Variants in PKIB observed in about 807,000 individuals in gnomAD.
PKIB encodes cAMP-dependent protein kinase inhibitor beta.
A neutral mutation model predicts 4.5 loss-of-function variants in PKIB; 2 were observed. The observed-to-expected ratio is 0.44, with a 90% CI of 0.18 to 1.39. The LOEUF (loss-of-function observed/expected upper bound fraction) is 1.39, where lower values mean the gene tolerates loss of function less well. PKIB is among the 40% of genes most tolerant of loss of function. PKIB has a pLI of 0.27. For missense variants in PKIB, 94 were observed against 92.6 expected, an observed-to-expected ratio of 1.02 and a Z score of -0.06; for synonymous variants, 38 against 36.0, an observed-to-expected ratio of 1.06 and a Z score of -0.20.
upstream of PKIB, among the ~76,000 whole-genome samples, chr6:122,607,098 A>AAT (rs2114750656): frequency 6.7e-6 from 1 of 150,244 alleles, no homozygotes; most frequent in Non-Finnish European, 1.5e-5. Context: ...TAATAATAAT[A>AAT]AATAAATAAA....
intron 2 of PKIB, among the ~76,000 whole-genome samples, chr6:122,539,158 C>T (rs1267713684): frequency 2.0e-5 from 3 of 151,944 alleles, no homozygotes; most frequent in Non-Finnish European, 4.4e-5. Context: ...ATTTTCCTAA[C>T]TGAATACCCT....
intron 3 of PKIB, among the ~76,000 whole-genome samples, chr6:122,682,489 A>C (rs1368836002): frequency 6.6e-6 from 1 of 152,132 alleles, no homozygotes; most frequent in African/African-American, 2.4e-5. Flanking sequence ...TTTTTGTTAC[A>C]TATATTCTGA....
chr6:122,691,245 T>A (rs1272378611), intron 3 of PKIB, among the ~76,000 whole-genome samples: 8 of 152,096 alleles, frequency 5.3e-5, no homozygotes, highest in Non-Finnish European at 7.4e-5. Context: ...GTTTGAGAAA[T>A]TTTCATTATC....
intron 2 of PKIB, among the ~76,000 whole-genome samples, chr6:122,560,323 T>C (rs1054982981): frequency 6.6e-6 from 1 of 152,146 alleles, no homozygotes; most frequent in Non-Finnish European, 1.5e-5. Flanking sequence ...TGTTTTTAAT[T>C]CTGTTTATGT....
At chr6:122,621,428 T>C (rs1030148071) in intron 1 of PKIB, among the ~76,000 whole-genome samples, 2 of 152,150 alleles carry the variant, frequency 1.3e-5, no homozygotes, top group African/African-American at 4.8e-5. Flanking sequence ...GATAGGTAAA[T>C]AACTGCAAAC....
At chr6:122,650,253 G>A (rs1363905148) in intron 2 of PKIB, among the ~76,000 whole-genome samples, 2 of 151,956 alleles carry the variant, frequency 1.3e-5, no homozygotes, top group Admixed American at 1.3e-4. Flanking sequence ...CCAAGTAGAC[G>A]AGTAAATGAG....
chr6:122,562,370 G>A (rs13199730), intron 2 of PKIB, among the ~76,000 whole-genome samples: 25,837 of 151,974 alleles, frequency 0.17, 2,807 homozygotes, highest in Non-Finnish European at 0.25. Flanking sequence ...TTGGTGCTTC[G>A]TCTCACAGCT....
At chr6:122,549,099 A>G (rs191867098) in intron 2 of PKIB, among the ~76,000 whole-genome samples, 16 of 152,268 alleles carry the variant, frequency 1.1e-4, no homozygotes, top group Admixed American at 7.8e-4. Context: ...AGGCTGAATC[A>G]TGTGTCAGCC....
At chr6:122,584,003 T>C (rs1773782234) in intron 2 of PKIB, among the ~76,000 whole-genome samples, 1 of 152,128 alleles carries the variant, frequency 6.6e-6, no homozygotes, top group African/African-American at 2.4e-5. Flanking sequence ...AGGGAAAGTC[T>C]TATCTATTTA....
chr6:122,479,724 A>G (rs1401302272), intron 2 of PKIB: 2 of 152,188 alleles, frequency 1.3e-5, no homozygotes, highest in African/African-American at 2.4e-5. Flanking sequence ...CCCAAACCCA[A>G]CATCAGAGAC....
chr6:122,537,933 G>A (rs1777458028), intron 2 of PKIB, among the ~76,000 whole-genome samples: 1 of 151,976 alleles, frequency 6.6e-6, no homozygotes, highest in Non-Finnish European at 1.5e-5. Flanking sequence ...GGCCAGTGAT[G>A]ATGAGCATTT....
chr6:122,595,045 C>A (rs1284863753), intron 3 of PKIB, among the ~76,000 whole-genome samples: 2 of 152,152 alleles, frequency 1.3e-5, no homozygotes, highest in Admixed American at 6.6e-5. Context: ...GCTTTCCTCC[C>A]TCTGGAACTG....
intron 2 of PKIB, among the ~76,000 whole-genome samples, chr6:122,564,762 G>C (rs1773132894): frequency 6.6e-6 from 1 of 152,088 alleles, no homozygotes; most frequent in South Asian, 2.1e-4. Context: ...CATTGGGAAG[G>C]ACCCTTTTTT....
intron 3 of PKIB, among the ~76,000 whole-genome samples, chr6:122,695,816 T>G (rs1582820411): frequency 6.6e-6 from 1 of 152,258 alleles, no homozygotes; most frequent in Admixed American, 6.5e-5. Flanking sequence ...AGACTCTATT[T>G]CAGTTGTTTC....
intron 4 of PKIB, among the ~76,000 whole-genome samples, chr6:122,723,933 T>G (rs922743650): frequency 6.6e-6 from 1 of 152,210 alleles, no homozygotes; most frequent in Non-Finnish European, 1.5e-5. Context: ...AGATTTTCCT[T>G]GAGAGCCGGG....
intron 2 of PKIB, among the ~76,000 whole-genome samples, chr6:122,653,340 C>T (rs1238041006): frequency 6.6e-6 from 1 of 152,136 alleles, no homozygotes; most frequent in East Asian, 1.9e-4. Context: ...ACTAGCATCT[C>T]CACCCAAGCT....
At chr6:122,576,595 G>C (rs1055655152) in intron 2 of PKIB, among the ~76,000 whole-genome samples, 3 of 147,352 alleles carry the variant, frequency 2.0e-5, no homozygotes, top group Non-Finnish European at 4.5e-5. Context: ...GTGAACCCGG[G>C]AGGAGGTGCT....
chr6:122,663,723 A>T (rs1476757253), intron 2 of PKIB, among the ~76,000 whole-genome samples: 1 of 152,120 alleles, frequency 6.6e-6, no homozygotes. Flanking sequence ...GGATCAAGGG[A>T]CTGCCCTACT....
chr6:122,655,641 G>T (rs1039694994), intron 2 of PKIB, among the ~76,000 whole-genome samples: 1 of 152,086 alleles, frequency 6.6e-6, no homozygotes, highest in South Asian at 2.1e-4. Context: ...CTGCCTTCAT[G>T]GAGGTAACAG....
Sources: allele counts gnomAD v4.1 joint callset (sites outside exome capture counted in the v4.1 genomes callset), GRCh38; gene constraint gnomAD v4.1.1; transcripts MANE v1.5; gene names NCBI Gene and HGNC (gene_info 2026-07-23, HGNC 2026-07-21).